The following CDH4 variants were observed in gnomAD, a reference collection of about 807,000 sequenced individuals.
CDH4 encodes cadherin-4.
Under a neutral mutation model 86.0 loss-of-function variants are expected in CDH4, and 33 were observed. That is an observed-to-expected ratio of 0.38 (90% CI 0.29 to 0.51). CDH4 has a LOEUF of 0.51. Among genes scored for constraint, CDH4 ranks in the 20% least tolerant of loss-of-function variants. The pLI is 0.86. For missense variants in CDH4, 1,114 were observed against 1,307.4 expected, an observed-to-expected ratio of 0.85 and a Z score of 2.28; for synonymous variants, 555 against 549.4, an observed-to-expected ratio of 1.01 and a Z score of -0.14.
chr20:61,651,359 G>T (rs1327896474), intron 2 of CDH4, among the ~76,000 whole-genome samples: 1 of 152,228 alleles, frequency 6.6e-6, no homozygotes, highest in Non-Finnish European at 1.5e-5. Flanking sequence ...TCTTGCTCAG[G>T]TCACCCAAAG....
intron 2 of CDH4, among the ~76,000 whole-genome samples, chr20:61,671,043 G>A (rs1013508010): frequency 2.0e-5 from 3 of 152,164 alleles, no homozygotes; most frequent in Admixed American, 6.5e-5. Flanking sequence ...GTTAACAGTC[G>A]AGTGTGTATG....
chr20:61,707,319 C>T (rs531676371), intron 2 of CDH4, among the ~76,000 whole-genome samples: 26 of 152,372 alleles, frequency 1.7e-4, no homozygotes, highest in African/African-American at 5.8e-4. Flanking sequence ...ACTCTGCCTT[C>T]GTCAGTTGCT....
chr20:61,885,592 C>T (rs1443453775), intron 7 of CDH4, among the ~76,000 whole-genome samples: 2 of 152,196 alleles, frequency 1.3e-5, no homozygotes, highest in African/African-American at 4.8e-5. Flanking sequence ...CTGCTTTGAA[C>T]GAGGGCGTGT....
chr20:61,867,954 T>C lies in CDH4; in HGVS notation c.878-5774T>C, dbSNP rs140151994. Among the ~76,000 whole-genome samples the C allele has an allele frequency of 9.4e-4, 143 of 152,356 alleles. 1 individual carries two copies. In the East Asian group the frequency reaches 0.025, roughly 27 times the overall value. On this transcript the variant is annotated intron_variant, in intron 6 of 15. Coordinates refer to ENST00000614565, the MANE Select transcript of CDH4 (RefSeq NM_001794.5). ...CTTCTCTGTGAGGAAGACATTCTAT[T>C]TCTGCAAAAACTCCACCACATGGAA...
At chr20:61,568,120 C>T (rs2086313964) in intron 2 of CDH4, among the ~76,000 whole-genome samples, 1 of 151,990 alleles carries the variant, frequency 6.6e-6, no homozygotes, top group Admixed American at 6.6e-5. Flanking sequence ...TGGCAGGGTC[C>T]CCTTTAAAAC....
chr20:61,534,423 C>T (rs2085978708), intron 2 of CDH4, among the ~76,000 whole-genome samples: 1 of 152,148 alleles, frequency 6.6e-6, no homozygotes, highest in Non-Finnish European at 1.5e-5. Flanking sequence ...TCGTAATATG[C>T]ATTCCATATT....
chr20:61,804,889 G>A (rs565275652), intron 4 of CDH4, among the ~76,000 whole-genome samples: 25 of 152,304 alleles, frequency 1.6e-4, no homozygotes, highest in African/African-American at 5.5e-4. Context: ...GCACATAAAC[G>A]GAACATACAG....
chr20:61,467,840 G>A (rs941700533), intron 2 of CDH4, among the ~76,000 whole-genome samples: 3 of 152,236 alleles, frequency 2.0e-5, no homozygotes, highest in East Asian at 1.9e-4. Flanking sequence ...CCTTGGATTC[G>A]ATAATTCTCT....
chr20:61,539,620 T>A (rs2086024302), intron 2 of CDH4, among the ~76,000 whole-genome samples: 1 of 152,210 alleles, frequency 6.6e-6, no homozygotes, highest in Non-Finnish European at 1.5e-5. Context: ...GGATTAGGAC[T>A]CAGCCTAGGA....
intron 2 of CDH4, among the ~76,000 whole-genome samples, chr20:61,387,309 T>TA (rs1378667655): frequency 3.6e-5 from 5 of 140,424 alleles, no homozygotes; most frequent in Non-Finnish European, 6.2e-5. Context: ...TACACATACA[T>TA]ATACACACAG....
intron 2 of CDH4, among the ~76,000 whole-genome samples, chr20:61,312,697 C>T (rs1217629477): frequency 6.6e-6 from 1 of 152,162 alleles, no homozygotes; most frequent in African/African-American, 2.4e-5. Flanking sequence ...TTGCACACGT[C>T]ACTCCTTCCA....
chr20:61,685,531 C>G (rs1041630606), intron 2 of CDH4, among the ~76,000 whole-genome samples: 15 of 152,266 alleles, frequency 9.9e-5, no homozygotes, highest in Admixed American at 8.5e-4. Flanking sequence ...ATTGCAAAGG[C>G]CGCTCCTCGG....
intron 2 of CDH4, among the ~76,000 whole-genome samples, chr20:61,328,533 C>T (rs2084549834): frequency 6.6e-6 from 1 of 152,194 alleles, no homozygotes. Flanking sequence ...CCTGTAATCT[C>T]ATCACTTTGG....
chr20:61,883,505 AC>A (rs1276500572), intron 7 of CDH4, among the ~76,000 whole-genome samples: 1 of 151,576 alleles, frequency 6.6e-6, no homozygotes, highest in African/African-American at 2.4e-5. Context: ...GCAGAGAACG[AC>A]CCAGCCCCAG....
chr20:61,783,352 T>G (rs1276512069), intron 4 of CDH4, among the ~76,000 whole-genome samples: 4 of 152,246 alleles, frequency 2.6e-5, no homozygotes, highest in Admixed American at 6.5e-5. Flanking sequence ...TTCCTTAATA[T>G]GTACATGTTT....
At chr20:61,600,945 C>A (rs950987904) in intron 2 of CDH4, among the ~76,000 whole-genome samples, 3 of 152,184 alleles carry the variant, frequency 2.0e-5, no homozygotes, top group Non-Finnish European at 4.4e-5. Context: ...GTCCTGCCTG[C>A]TGTCTGGCGA....
intron 9 of CDH4, among the ~76,000 whole-genome samples, chr20:61,919,219 T>C (rs2054940465): frequency 6.6e-6 from 1 of 152,240 alleles, no homozygotes; most frequent in Admixed American, 6.5e-5. Context: ...AAATATCTTA[T>C]TCAGTAGCAG....
At chr20:61,812,076 A>T (rs1980469102) in intron 4 of CDH4, among the ~76,000 whole-genome samples, 1 of 151,306 alleles carries the variant, frequency 6.6e-6, no homozygotes, top group Admixed American at 6.6e-5. Context: ...GCTGCGGGGG[A>T]CACAGCACTC....
chr20:61,256,222 C>A (rs773669773), intron 2 of CDH4, among the ~76,000 whole-genome samples: 2 of 152,104 alleles, frequency 1.3e-5, no homozygotes, highest in Non-Finnish European at 2.9e-5. Context: ...GTGCGTTGGA[C>A]GGTCTCTTAT....
Sources: allele counts gnomAD v4.1 joint callset (sites outside exome capture counted in the v4.1 genomes callset), GRCh38; gene constraint gnomAD v4.1.1; transcripts MANE v1.5; gene names NCBI Gene and HGNC (gene_info 2026-07-23, HGNC 2026-07-21).